MTF2: variants seen among roughly 807,000 people sequenced by gnomAD.
The protein encoded by MTF2 is metal-response element-binding transcription factor 2.
Under a neutral mutation model 79.5 loss-of-function variants are expected in MTF2, and 11 were observed. That is an observed-to-expected ratio of 0.14 (90% CI 0.09 to 0.23). The LOEUF is 0.23. Among genes scored for constraint, MTF2 ranks in the 10% least tolerant of loss-of-function variants. The pLI, the probability that MTF2 is intolerant of heterozygous loss-of-function variation, is 1.00. For synonymous variants in MTF2, 208 were observed against 232.8 expected (o/e 0.89, Z 0.97); for missense variants, 486 against 711.2 (o/e 0.68, Z 3.60).
chr1:93,136,803 G>A lies in MTF2; in HGVS notation c.1558G>A (p.Glu520Lys), dbSNP rs748005336. ...TQNSEIVKDD[E>K]GKEDYQFDEL... is the part of the protein sequence containing the mutation. ...GAACTCAGAAATTGTAAAAGATGAT[G>A]AAGGCAAAGAAGATTATCAGTTTGA... is the stretch of plus-strand genomic sequence containing the variant. Residue 520 changes from glutamate to lysine, a missense_variant, in exon 15 of 15, where the codon GAA becomes AAA. By Grantham distance (56) the Glu-to-Lys change is moderately conservative (BLOSUM62 1). Coordinates refer to ENST00000370298, the MANE Select transcript of MTF2 (RefSeq NM_007358.4). 6.2e-7 allele frequency: 1 copy of A among 1,614,162 alleles called. No individual in the cohort carries two copies. The highest frequency in any genetic ancestry group is 1.1e-5 in the South Asian group (1 of 91,082).
chr1:93,091,160 G>A (rs1039740257), intron 1 of MTF2, among the ~76,000 whole-genome samples: 1 of 152,046 alleles, frequency 6.6e-6, no homozygotes, highest in African/African-American at 2.4e-5. Context: ...CGTATGTGAC[G>A]TTTGAATTGT....
intron 11 of MTF2, among the ~76,000 whole-genome samples, chr1:93,131,821 T>C (rs1215327104): frequency 6.6e-6 from 1 of 152,192 alleles, no homozygotes; most frequent in Non-Finnish European, 1.5e-5. Flanking sequence ...AATGTGGGAC[T>C]GGCCTTTTCT....
At chr1:93,109,098 C>T (rs1218679005) in intron 1 of MTF2, among the ~76,000 whole-genome samples, 1 of 151,974 alleles carries the variant, frequency 6.6e-6, no homozygotes, top group Non-Finnish European at 1.5e-5. Flanking sequence ...TTTTACTAAA[C>T]TTTTATGCTG....
chr1:93,119,314 T>C lies in MTF2; in HGVS notation c.729-19T>C. The C allele has an allele frequency of 1.5e-6, 1 of 679,368 alleles. No homozygotes were observed. The highest frequency in any genetic ancestry group is 5.6e-5 in the East Asian group (1 of 17,780). The allele number at this position is 679,368 out of a possible 1,614,324, so 42.1% of individuals were successfully genotyped here. ...TGATGACTCAGTATAAAACTTTTTCTTTTTTTTTTTTTTCTTAGATTTTAT... is the reference window on the plus strand; with the variant it reads ...TGATGACTCAGTATAAAACTTTTTCCTTTTTTTTTTTTTCTTAGATTTTAT... On this transcript the variant is annotated intron_variant, in intron 7 of 14. Transcript: ENST00000370298.
chr1:93,119,518 T>G (rs1478946039), intron 8 of MTF2, 117 bp downstream of exon 8: 1 of 678,238 alleles, frequency 1.5e-6, no homozygotes, highest in African/African-American at 1.9e-5. Context: ...ATGCTTGGCT[T>G]TATTTCTTTT....
chr1:93,109,659 T>A (rs1480930173), intron 1 of MTF2, among the ~76,000 whole-genome samples: 1 of 152,128 alleles, frequency 6.6e-6, no homozygotes, highest in Non-Finnish European at 1.5e-5. Context: ...TTGTCTATAA[T>A]GTAATGAAAT....
At chr1:93,123,566 AATAT>A (rs545522268) in intron 9 of MTF2, among the ~76,000 whole-genome samples, 1 of 152,070 alleles carries the variant, frequency 6.6e-6, no homozygotes, top group African/African-American at 2.4e-5. Flanking sequence ...TTTGCGTAGG[AATAT>A]ATATTGCACA....
rs184414341 is a variant in MTF2, at chr1:93,099,145, C to G, written c.6-11085C>G. 1.3e-3 allele frequency among the ~76,000 whole-genome samples: 193 copies of G among 152,300 alleles called. 1 individual carries two copies. Among genetic ancestry groups the G allele is most frequent in the Non-Finnish European group, 1.7e-3 (118 of 68,014 alleles). Reference sequence around the variant, plus strand: ...GTTTATCAGTCTAAGCGTTGCCTCCCTACCTGATCACACTAAGGCAAAGCT... The same window carrying G: ...GTTTATCAGTCTAAGCGTTGCCTCCGTACCTGATCACACTAAGGCAAAGCT... On this transcript the variant is annotated intron_variant, in intron 1 of 14. Coordinates refer to ENST00000370298, the MANE Select transcript of MTF2 (RefSeq NM_007358.4).
intron 9 of MTF2, among the ~76,000 whole-genome samples, chr1:93,122,149 G>A (rs1157143715): frequency 6.6e-6 from 1 of 152,084 alleles, no homozygotes; most frequent in African/African-American, 2.4e-5. Context: ...AAAGTAAGGG[G>A]TAAGGCATTA....
chr1:93,085,255 A>C (rs1654788116), intron 1 of MTF2, among the ~76,000 whole-genome samples: 1 of 150,162 alleles, frequency 6.7e-6, no homozygotes, highest in Non-Finnish European at 1.5e-5. Flanking sequence ...GGCTCAGTGC[A>C]AGCTCCGCCT....
At chr1:93,129,072 C>A in intron 10 of MTF2, 1 of 379,388 alleles carries the variant, frequency 2.6e-6, no homozygotes, top group Non-Finnish European at 4.7e-6. Flanking sequence ...CTTCTCCTTT[C>A]TGGTCCTATC....
At position 93,079,603 on chromosome 1, in the gene MTF2, G is replaced by T; in HGVS notation, c.5+72G>T. The T allele has an allele frequency of 3.2e-6, 5 of 1,573,604 alleles. No homozygotes were observed. The Admixed American group carries it at 8.4e-5, about 26-fold the overall frequency. On this transcript the variant is annotated intron_variant, in intron 1 of 14. Coordinates refer to ENST00000370298, the MANE Select transcript of MTF2 (RefSeq NM_007358.4). ...GTTGGGGGAAGGAGGAAGAAAGGAA[G>T]CAAGTATAAAAGGGAAAGATGGAGG...
chr1:93,089,634 G>C (rs748653012), intron 1 of MTF2, among the ~76,000 whole-genome samples: 1 of 152,104 alleles, frequency 6.6e-6, no homozygotes, highest in African/African-American at 2.4e-5. Flanking sequence ...TCACGGTAGC[G>C]TTTGAACTCC....
chr1:93,120,754 C>T (rs1656440751), intron 9 of MTF2, 82 bp downstream of exon 9: 2 of 1,556,202 alleles, frequency 1.3e-6, no homozygotes. Context: ...AACTGAGACA[C>T]ATGTATAAGT....
chr1:93,107,804 A>G (rs1655863242), intron 1 of MTF2, among the ~76,000 whole-genome samples: 2 of 150,262 alleles, frequency 1.3e-5, no homozygotes, highest in Admixed American at 6.6e-5. Context: ...TTCTTTTGAC[A>G]GGTTCTCTCT....
At chr1:93,118,493 G>T in intron 7 of MTF2, 53 bp downstream of exon 7, 2 of 1,266,406 alleles carry the variant, frequency 1.6e-6, no homozygotes, top group South Asian at 2.8e-5. Context: ...TTTTAATTGT[G>T]GTTATATTTG....
At chr1:93,135,208 G>A (rs1274912645) in intron 14 of MTF2, among the ~76,000 whole-genome samples, 3 of 152,170 alleles carry the variant, frequency 2.0e-5, no homozygotes, top group Non-Finnish European at 2.9e-5. Flanking sequence ...CTAATCTCAA[G>A]TGATCCACCT....
rs186834709 is a variant in MTF2 at position 93,090,222 on chromosome 1, C to T, written c.5+10691C>T. ...CCATCTCCTGACCTCGTGATCCACCCGCCTCAGCCTCCCAAAGTGCTGGGA... is the reference window on the plus strand; with the variant it reads ...CCATCTCCTGACCTCGTGATCCACCTGCCTCAGCCTCCCAAAGTGCTGGGA... On this transcript the variant is annotated intron_variant, in intron 1 of 14. Transcript: ENST00000370298. Among the ~76,000 whole-genome samples the T allele has an allele frequency of 2.9e-3, 445 of 152,212 alleles. 3 individuals are homozygous for T. Among genetic ancestry groups the T allele is most frequent in the Admixed American group, 6.5e-3 (100 of 15,292 alleles).
chr1:93,123,563 A>G lies in MTF2; in HGVS notation c.921+2891A>G, dbSNP rs1040507977. On this transcript the variant is annotated intron_variant, in intron 9 of 14. Coordinates refer to ENST00000370298, the MANE Select transcript of MTF2 (RefSeq NM_007358.4). ...TGAGATTTTTTATGGCATTTTGCGT[A>G]GGAATATATATTGCACAACTAGGCA... 3.3e-5 allele frequency among the ~76,000 whole-genome samples: 5 copies of G among 152,234 alleles called. No individual in the cohort carries two copies. In the South Asian group the frequency reaches 1.0e-3, roughly 32 times the overall value.
Sources: allele counts gnomAD v4.1 joint callset (sites outside exome capture counted in the v4.1 genomes callset), GRCh38; gene constraint gnomAD v4.1.1; transcripts MANE v1.5; gene names NCBI Gene and HGNC (gene_info 2026-07-23, HGNC 2026-07-21).